LYPD6B: variants seen among roughly 807,000 people sequenced by gnomAD.
LYPD6B encodes the protein LY6/PLAUR domain containing 6B.
In LYPD6B, 17 loss-of-function variants were observed where a neutral mutation model predicts 22.8. The observed-to-expected ratio is 0.75, with a 90% CI of 0.51 to 1.12. The LOEUF is 1.12. Among genes scored for constraint, LYPD6B ranks in the 50% most tolerant of loss-of-function variants. The pLI is 0.00. For synonymous variants in LYPD6B, 106 were observed against 91.6 expected (o/e 1.16, Z -0.90); for missense variants, 221 against 258.3 (o/e 0.86, Z 0.99).
At chr2:149,195,715 A>T (rs928768793) in intron 3 of LYPD6B, among the ~76,000 whole-genome samples, 1 of 152,238 alleles carries the variant, frequency 6.6e-6, no homozygotes, top group Non-Finnish European at 1.5e-5. Flanking sequence ...ATTGGCCTGT[A>T]TGATCATCCA....
At chr2:149,106,790 T>C (rs919030187) in intron 1 of LYPD6B, among the ~76,000 whole-genome samples, 1 of 152,194 alleles carries the variant, frequency 6.6e-6, no homozygotes, top group Admixed American at 6.6e-5. Flanking sequence ...ATTTCTGCTT[T>C]GTCCTTTTTA....
chr2:149,101,273 A>G (rs1464085223), intron 1 of LYPD6B: 1 of 152,314 alleles, frequency 6.6e-6, no homozygotes, highest in Non-Finnish European at 1.5e-5. Flanking sequence ...AAACCAGGGA[A>G]CATCTGGAAC....
At chr2:149,191,082 A>G (rs1692458609) in intron 3 of LYPD6B, among the ~76,000 whole-genome samples, 2 of 152,152 alleles carry the variant, frequency 1.3e-5, no homozygotes, top group Non-Finnish European at 2.9e-5. Context: ...GACCCCAGCT[A>G]CCCATCATTC....
At chr2:149,137,582 A>T (rs1371312046) in intron 2 of LYPD6B, among the ~76,000 whole-genome samples, 1 of 152,230 alleles carries the variant, frequency 6.6e-6, no homozygotes, top group Non-Finnish European at 1.5e-5. Flanking sequence ...TGTGCTTAGA[A>T]CCATGCTCAG....
intron 3 of LYPD6B, among the ~76,000 whole-genome samples, chr2:149,182,312 T>C (rs1691791757): frequency 6.6e-6 from 1 of 152,204 alleles, no homozygotes; most frequent in Admixed American, 6.5e-5. Context: ...AGTTTTCATA[T>C]AGTTTAAAAC....
At chr2:149,068,319 T>C (rs1438177025) in intron 1 of LYPD6B, among the ~76,000 whole-genome samples, 1 of 152,160 alleles carries the variant, frequency 6.6e-6, no homozygotes, top group African/African-American at 2.4e-5. Flanking sequence ...TTAGACTCTT[T>C]CTCCAAGTCT....
At chr2:149,103,023 A>G (rs1686287065) in intron 1 of LYPD6B, among the ~76,000 whole-genome samples, 2 of 152,282 alleles carry the variant, frequency 1.3e-5, no homozygotes, top group East Asian at 1.9e-4. Context: ...CCACACATGA[A>G]TATACTTCTA....
intron 3 of LYPD6B, among the ~76,000 whole-genome samples, chr2:149,167,378 T>A (rs1334332883): frequency 6.6e-6 from 1 of 152,210 alleles, no homozygotes; most frequent in Non-Finnish European, 1.5e-5. Context: ...TCCTTTTTGC[T>A]GCCTCCTGCT....
intron 2 of LYPD6B, among the ~76,000 whole-genome samples, chr2:149,140,844 C>T (rs1467225617): frequency 2.0e-5 from 3 of 152,102 alleles, no homozygotes; most frequent in African/African-American, 7.2e-5. Context: ...CATCTTTGAT[C>T]GTTCGTTAGG....
chr2:149,114,231 G>T (rs1686893150), intron 1 of LYPD6B, among the ~76,000 whole-genome samples: 1 of 152,108 alleles, frequency 6.6e-6, no homozygotes, highest in Non-Finnish European at 1.5e-5. Flanking sequence ...TTTTCTGAGT[G>T]CACAACCTTT....
intron 1 of LYPD6B, among the ~76,000 whole-genome samples, chr2:149,075,641 A>G (rs1247073264): frequency 6.6e-6 from 1 of 152,228 alleles, no homozygotes; most frequent in Non-Finnish European, 1.5e-5. Flanking sequence ...AGAAGAACCT[A>G]TAACTAATGT....
chr2:149,143,570 A>G (rs1289508447), intron 2 of LYPD6B, among the ~76,000 whole-genome samples: 1 of 152,056 alleles, frequency 6.6e-6, no homozygotes, highest in East Asian at 1.9e-4. Flanking sequence ...GACAAGGGAA[A>G]TTAGCTATGG....
intron 1 of LYPD6B, among the ~76,000 whole-genome samples, chr2:149,072,402 A>T (rs1264881069): frequency 6.6e-6 from 1 of 152,076 alleles, no homozygotes; most frequent in African/African-American, 2.4e-5. Flanking sequence ...ATAAACAAAC[A>T]CGTAAGTAAA....
rs80326480 is a variant in LYPD6B at position 149,130,954 on chromosome 2, G to C, written c.5+1G>C. 6.2e-7 allele frequency: 1 copy of C among 1,601,378 alleles called. No homozygotes were observed. Among genetic ancestry groups the C allele is most frequent in the Non-Finnish European group, 8.6e-7 (1 of 1,168,490 alleles). The stretch of plus-strand genomic sequence containing the variant: ...TGCTCTTGTTAATCACATGGATGTT[G>C]TGAGTATTATATTCACAAGTGGATG... On this transcript the variant is annotated splice_donor_variant, in intron 2 of 6. Transcript: ENST00000409642. LOFTEE classifies it high-confidence loss of function.
intron 6 of LYPD6B, 23 bp downstream of exon 6, chr2:149,213,145 A>G (rs1162862985): frequency 1.3e-6 from 2 of 1,567,232 alleles, no homozygotes; most frequent in Non-Finnish European, 1.7e-6. Flanking sequence ...TGTGTGTGTT[A>G]TTGTCTAAAC....
intron 1 of LYPD6B, among the ~76,000 whole-genome samples, chr2:149,078,493 G>C (rs1684976090): frequency 6.6e-6 from 1 of 152,060 alleles, no homozygotes; most frequent in South Asian, 2.1e-4. Flanking sequence ...CTATAACTTT[G>C]TCTCCTTCCA....
At chr2:149,095,140 A>G (rs1169213545) in intron 1 of LYPD6B, among the ~76,000 whole-genome samples, 1 of 152,104 alleles carries the variant, frequency 6.6e-6, no homozygotes, top group Non-Finnish European at 1.5e-5. Context: ...TACTAAAAAT[A>G]TAAAAATTAG....
At chr2:149,187,414 A>T in intron 3 of LYPD6B, 1 of 1,521,164 alleles carries the variant, frequency 6.6e-7, no homozygotes, top group Non-Finnish European at 8.8e-7. Flanking sequence ...TTATAAGATT[A>T]TTATTTTCTA....
chr2:149,129,068 G>A (rs1043224356), intron 1 of LYPD6B, among the ~76,000 whole-genome samples: 12 of 152,120 alleles, frequency 7.9e-5, no homozygotes, highest in African/African-American at 2.4e-4. Flanking sequence ...AATAACAAAG[G>A]GCATGTGAGA....
Sources: gnomAD v4.1 joint callset for allele counts (sites outside exome capture counted in the v4.1 genomes callset) on GRCh38, gnomAD v4.1.1 for gene constraint, MANE v1.5 for transcripts, NCBI Gene and HGNC (gene_info 2026-07-23, HGNC 2026-07-21) for gene names.